The following DIXDC1 variants were observed in gnomAD, a reference collection of about 807,000 sequenced individuals.
DIXDC1 encodes dixin.
DIXDC1 carries 64 observed loss-of-function variants against 103.1 expected under a neutral mutation model. That is an observed-to-expected ratio of 0.62 (90% CI 0.51 to 0.76). The LOEUF is 0.76. DIXDC1 is among the 30% of genes least tolerant of loss of function. DIXDC1 has a pLI of 0.00. For synonymous variants in DIXDC1, 266 were observed against 298.5 expected (o/e 0.89, Z 1.12); for missense variants, 759 against 834.2 (o/e 0.91, Z 1.11).
At chr11:111,992,616 C>T in intron 11 of DIXDC1, 97 bp downstream of exon 11, 2 of 1,105,208 alleles carry the variant, frequency 1.8e-6, no homozygotes, top group Non-Finnish European at 2.6e-6. Context: ...AATCTCTTAT[C>T]TTGCTTCTGG....
intron 11 of DIXDC1, 28 bp downstream of exon 11, chr11:111,992,547 CAGTG>C: frequency 6.5e-7 from 1 of 1,534,922 alleles, no homozygotes; most frequent in South Asian, 1.2e-5. Context: ...GCCTTGACCT[CAGTG>C]AGCCCCATTA....
chr11:111,943,833 C>T (rs776908281), intron 1 of DIXDC1, among the ~76,000 whole-genome samples: 2 of 152,078 alleles, frequency 1.3e-5, no homozygotes, highest in Non-Finnish European at 2.9e-5. Context: ...TATATTCAGA[C>T]GGTGGTTGAC....
Position 111,977,190 on chromosome 11 carries a change from G to A in DIXDC1, c.656+2207G>A. Reference sequence around the variant, plus strand: ...CCCCGCCCAGCCCCGCCCCTGGCCCGCACCCTCAACCTCCGTCCAGAGCGG... The same window carrying A: ...CCCCGCCCAGCCCCGCCCCTGGCCCACACCCTCAACCTCCGTCCAGAGCGG... On this transcript the variant is annotated intron_variant, in intron 5 of 19. Transcript: ENST00000440460. This position sits in a 1 kb window ranked among gnomAD's most constrained non-coding sequence, Gnocchi z 6.1. The A allele has an allele frequency of 1.5e-5, 5 of 326,270 alleles. No homozygotes were observed. Among genetic ancestry groups the A allele is most frequent in the Non-Finnish European group, 2.2e-5 (5 of 231,792 alleles). The allele number at this position is 326,270 out of a possible 1,614,324, so 20.2% of individuals were successfully genotyped here. A position where few individuals can be genotyped will look rare whatever the true frequency, so the allele number is the denominator to read the frequency against.
intron 7 of DIXDC1, among the ~76,000 whole-genome samples, chr11:111,983,269 C>G (rs1353532600): frequency 6.6e-6 from 1 of 152,214 alleles, no homozygotes; most frequent in Non-Finnish European, 1.5e-5. Flanking sequence ...ATGTGTGTGG[C>G]TCTGGCAGCC....
intron 17 of DIXDC1, 151 bp downstream of exon 17, chr11:111,996,297 T>C (rs1860896882): frequency 1.5e-5 from 10 of 654,744 alleles, no homozygotes; most frequent in Non-Finnish European, 5.0e-6. Flanking sequence ...ATTGAGTTAG[T>C]TCTAAGACTA....
At position 112,020,860 on chromosome 11, in the gene DIXDC1, A is replaced by T. The variant is rs1185093081; in HGVS notation, c.*1824A>T. 5 of 152,264 alleles carry T rather than the reference A, an allele frequency of 3.3e-5. No individual in the cohort carries two copies. The highest frequency in any genetic ancestry group is 7.2e-5 in the African/African-American group (3 of 41,474). The allele number at this position is 152,264 out of a possible 1,614,324, so 9.4% of individuals were successfully genotyped here. ...ACGACTGGGAAAGTTTGGGAAAGTC[A>T]GCAAAAGAAAGAATGCATTTCGAAA... is the stretch of plus-strand genomic sequence containing the variant. On this transcript the variant is annotated 3_prime_UTR_variant, in exon 20 of 20. Coordinates refer to ENST00000440460, the MANE Select transcript of DIXDC1 (RefSeq NM_001037954.4).
At chr11:111,942,218 G>T (rs587730319) in intron 1 of DIXDC1, among the ~76,000 whole-genome samples, 127 of 152,320 alleles carry the variant, frequency 8.3e-4, no homozygotes, top group African/African-American at 2.9e-3. Flanking sequence ...CTGGCAGCAG[G>T]CTATCAGGCA....
At chr11:111,987,960 A>C (rs1014381966) in intron 9 of DIXDC1, among the ~76,000 whole-genome samples, 11 of 151,986 alleles carry the variant, frequency 7.2e-5, no homozygotes, top group Non-Finnish European at 1.3e-4. Flanking sequence ...CCTGGCCGAC[A>C]TGAATTTTTA....
chr11:111,947,319 G>A (rs185632972), intron 1 of DIXDC1, among the ~76,000 whole-genome samples: 2 of 152,326 alleles, frequency 1.3e-5, no homozygotes, highest in East Asian at 3.9e-4. Context: ...CCACCTTTCA[G>A]AGAGTAACAG....
rs1860386910 is a variant in DIXDC1 at position 111,983,390 on chromosome 11, A to G, written c.918+903A>G. On this transcript the variant is annotated intron_variant, in intron 7 of 19. Coordinates refer to ENST00000440460, the MANE Select transcript of DIXDC1 (RefSeq NM_001037954.4). The stretch of plus-strand genomic sequence containing the variant: ...TGTGGCAAAGCAATTTGCATAACGT[A>G]TGCCCCAGGAACTGAGAAGTGTGGG... 1.3e-5 allele frequency among the ~76,000 whole-genome samples: 2 copies of G among 152,198 alleles called. 1 individual carries two copies. The highest frequency in any genetic ancestry group is 1.3e-4 in the Admixed American group (2 of 15,286).
At chr11:111,952,406 A>G (rs1966839765) in intron 1 of DIXDC1, among the ~76,000 whole-genome samples, 1 of 152,234 alleles carries the variant, frequency 6.6e-6, no homozygotes, top group African/African-American at 2.4e-5. Context: ...AGAAAACACT[A>G]AGGCAATGGT....
Position 111,977,725 on chromosome 11 carries a change from T to C in DIXDC1, c.656+2742T>C. On this transcript the variant is annotated intron_variant, in intron 5 of 19. Transcript: ENST00000440460. The surrounding 1 kb of genome is among the most constrained non-coding windows in gnomAD (Gnocchi z 6.1). ...GCGATGTGACTCTCAGCCTCCCACT[T>C]CACCCGGGGACGCAGGCTTGCTGAA... is the stretch of plus-strand genomic sequence containing the variant. 1 of 1,552,788 alleles carries C rather than the reference T, an allele frequency of 6.4e-7. No homozygotes were observed. Among genetic ancestry groups the C allele is most frequent in the East Asian group, 2.5e-5 (1 of 40,530 alleles).
At chr11:112,018,272 G>T (rs1861657785) in intron 19 of DIXDC1, among the ~76,000 whole-genome samples, 2 of 152,176 alleles carry the variant, frequency 1.3e-5, no homozygotes, top group African/African-American at 4.8e-5. Context: ...TTCTCATAAT[G>T]AAATCAAGGA....
intron 8 of DIXDC1, 53 bp from the exon 9 acceptor site, chr11:111,986,818 C>G (rs1199958438): frequency 6.7e-7 from 1 of 1,499,926 alleles, no homozygotes; most frequent in Non-Finnish European, 9.1e-7. Flanking sequence ...GAATGAGTGG[C>G]TCTGTACTTC....
chr11:111,992,402 C>CT lies in DIXDC1; in HGVS notation c.1114-8dup, dbSNP rs1350079678. 1 of 1,559,710 alleles carries CT rather than the reference C, an allele frequency of 6.4e-7. No homozygotes were observed. The highest frequency in any genetic ancestry group is 8.7e-7 in the Non-Finnish European group (1 of 1,150,418). ...AACTGAGACAACAATAATTAGTATG[C>CT]TTTTTCCCCTAGGATGCCTTGCAGC... On this transcript the variant is annotated splice_polypyrimidine_tract_variant and intron_variant, in intron 10 of 19. Transcript: ENST00000440460.
chr11:112,013,306 T>G (rs1861480405), intron 17 of DIXDC1, among the ~76,000 whole-genome samples: 1 of 11,990 alleles, frequency 8.3e-5, no homozygotes, highest in Admixed American at 1.3e-3. Context: ...CATATGAAGT[T>G]GACGGGTCGG....
At chr11:112,010,972 A>C (rs1861399031) in intron 17 of DIXDC1, among the ~76,000 whole-genome samples, 1 of 152,240 alleles carries the variant, frequency 6.6e-6, no homozygotes, top group African/African-American at 2.4e-5. Flanking sequence ...TAAACTAAAG[A>C]GCTTCTGCAC....
chr11:111,937,692 C>A, intron 1 of DIXDC1, 133 bp downstream of exon 1: 2 of 868,050 alleles, frequency 2.3e-6, no homozygotes, highest in Non-Finnish European at 3.5e-6. Flanking sequence ...CCCAAAGGGG[C>A]TAAGGTGGTA....
intron 17 of DIXDC1, among the ~76,000 whole-genome samples, chr11:112,011,326 A>G (rs1695104605): frequency 6.6e-6 from 1 of 152,222 alleles, no homozygotes; most frequent in African/African-American, 2.4e-5. Flanking sequence ...GAGGATGTGG[A>G]GAAATAGGAA....
Sources: allele counts gnomAD v4.1 joint callset (sites outside exome capture counted in the v4.1 genomes callset), GRCh38; gene constraint gnomAD v4.1.1; non-coding constraint Gnocchi (gnomAD v3.1); transcripts MANE v1.5; gene names NCBI Gene and HGNC (gene_info 2026-07-23, HGNC 2026-07-21).